The following CPED1 variants were observed in gnomAD, a reference collection of about 807,000 sequenced individuals.
CPED1 encodes cadherin-like and PC-esterase domain-containing protein 1.
In CPED1, 114 loss-of-function variants were observed where a neutral mutation model predicts 128.2. The ratio of observed to expected loss-of-function variants is 0.89; its 90% CI spans 0.76 to 1.04. The LOEUF is 1.04. Ranked by LOEUF, CPED1 falls within the 50% of genes least tolerant of loss-of-function variation. The pLI is 0.00. For missense variants in CPED1, 1,211 were observed against 1,207.1 expected (o/e 1.00, Z -0.05); for synonymous variants, 462 against 426.7 (o/e 1.08, Z -1.02).
chr7:121,282,986 TTTTG>T, intron 22 of CPED1, among the ~76,000 whole-genome samples: 1 of 152,340 alleles, frequency 6.6e-6, no homozygotes, highest in Middle Eastern at 3.4e-3. Context: ...TACAGAATCA[TTTTG>T]TTTCTCTTAT....
chr7:121,112,396 A>G (rs1795134515), intron 7 of CPED1, among the ~76,000 whole-genome samples: 1 of 152,190 alleles, frequency 6.6e-6, no homozygotes, highest in African/African-American at 2.4e-5. Context: ...AGACACACAA[A>G]GGAGAAGATA....
chr7:121,194,904 G>C (rs1455831273), intron 16 of CPED1: 3 of 152,060 alleles, frequency 2.0e-5, no homozygotes, highest in Non-Finnish European at 4.4e-5. Context: ...GAGAAGCTGG[G>C]ACTACAGGCT....
intron 22 of CPED1, among the ~76,000 whole-genome samples, chr7:121,289,740 T>A (rs1792653011): frequency 6.6e-6 from 1 of 152,224 alleles, no homozygotes; most frequent in Admixed American, 6.5e-5. Context: ...GTCCAAATAG[T>A]GACAGAAAAA....
chr7:121,016,069 T>A (rs767812320), intron 3 of CPED1, among the ~76,000 whole-genome samples: 6 of 152,242 alleles, frequency 3.9e-5, no homozygotes, highest in Non-Finnish European at 8.8e-5. Flanking sequence ...TTTATATTTT[T>A]GTAGCATTTT....
At chr7:121,074,288 C>T (rs142289615) in intron 5 of CPED1, among the ~76,000 whole-genome samples, 58 of 152,118 alleles carry the variant, frequency 3.8e-4, no homozygotes, top group African/African-American at 1.3e-3. Context: ...TTGATGGAAC[C>T]AATCCAGAAA....
intron 5 of CPED1, among the ~76,000 whole-genome samples, chr7:121,067,584 A>G (rs1585050147): frequency 2.0e-5 from 3 of 152,168 alleles, no homozygotes; most frequent in Admixed American, 6.5e-5. Context: ...ACGTGTGCAT[A>G]TGTCTTTATA....
At chr7:121,142,992 T>G (rs1795942389) in intron 16 of CPED1, among the ~76,000 whole-genome samples, 1 of 152,036 alleles carries the variant, frequency 6.6e-6, no homozygotes, top group South Asian at 2.1e-4. Flanking sequence ...GTTACCATGT[T>G]TTTTATAAAT....
At chr7:121,108,637 T>C (rs1415563745) in intron 7 of CPED1, among the ~76,000 whole-genome samples, 1 of 152,132 alleles carries the variant, frequency 6.6e-6, no homozygotes. Context: ...TTTCTAGAGC[T>C]CTTTCTCCTC....
intron 2 of CPED1, among the ~76,000 whole-genome samples, chr7:121,011,417 A>T (rs1792161528): frequency 6.6e-6 from 1 of 152,150 alleles, no homozygotes; most frequent in African/African-American, 2.4e-5. Flanking sequence ...TCTTGCTAGT[A>T]TTTACAATTC....
chr7:121,074,838 T>C (rs1434388815), intron 5 of CPED1, among the ~76,000 whole-genome samples: 1 of 152,180 alleles, frequency 6.6e-6, no homozygotes, highest in African/African-American at 2.4e-5. Context: ...TCCACTCACA[T>C]AAAAGCTGCA....
intron 16 of CPED1, among the ~76,000 whole-genome samples, chr7:121,172,661 C>CATACATAGATAGATAG (rs1796676493): frequency 1.4e-5 from 2 of 145,202 alleles, no homozygotes; most frequent in South Asian, 2.2e-4. Flanking sequence ...TGGATGGATA[C>CATACATAGATAGATAG]ATAGATAGAT....
At position 121,015,560 on chromosome 7, in the gene CPED1, A is replaced by G. The variant is rs1372100618; in HGVS notation, c.250-105A>G. On this transcript the variant is annotated intron_variant, in intron 2 of 22. Coordinates refer to ENST00000310396, the MANE Select transcript of CPED1 (RefSeq NM_024913.5). ...AAACTGCCTTTCACTTCTAGAGAAAAACTTTAGAATAACTTCCCAAATAGC... is the reference window on the plus strand; with the variant it reads ...AAACTGCCTTTCACTTCTAGAGAAAGACTTTAGAATAACTTCCCAAATAGC... The G allele has an allele frequency of 3.8e-6, 4 of 1,046,546 alleles. No homozygotes were observed. The Admixed American group carries it at 9.6e-5, about 25-fold the overall frequency. The allele number at this position is 1,046,546 out of a possible 1,614,324, so 64.8% of individuals were successfully genotyped here.
intron 2 of CPED1, among the ~76,000 whole-genome samples, chr7:121,008,236 C>T (rs1792073858): frequency 2.0e-5 from 3 of 152,094 alleles, no homozygotes; most frequent in African/African-American, 7.2e-5. Context: ...CAAAGTCGGA[C>T]CTACGTATAA....
intron 16 of CPED1, among the ~76,000 whole-genome samples, chr7:121,215,944 T>C (rs1294267830): frequency 6.6e-6 from 1 of 151,910 alleles, no homozygotes; most frequent in African/African-American, 2.4e-5. Flanking sequence ...ATAGTAATAA[T>C]AATACTCATA....
chr7:121,247,677 C>G (rs187872434), intron 18 of CPED1, among the ~76,000 whole-genome samples: 101 of 152,086 alleles, frequency 6.6e-4, no homozygotes, highest in Non-Finnish European at 1.0e-3. Flanking sequence ...ACAGGGGACC[C>G]AACATACCCC....
chr7:121,254,839 C>T (rs1798766432), intron 18 of CPED1, among the ~76,000 whole-genome samples: 2 of 151,518 alleles, frequency 1.3e-5, no homozygotes, highest in South Asian at 4.2e-4. Context: ...ACACAAACTC[C>T]CAAAATTGAA....
rs1584507298 is a variant in CPED1, at chr7:121,094,071, C to CATTGA, written c.617-3628_617-3627insATTGA. Among the ~76,000 whole-genome samples the CATTGA allele has an allele frequency of 2.0e-5, 3 of 152,250 alleles. No homozygotes were observed. In the East Asian group the frequency reaches 5.8e-4, roughly 29 times the overall value. ...TTTGCAGAGCTGTTATACCTGTAGGCTAAGTTCTAAGACTTATCAATGCCC... is the reference window on the plus strand; with the variant it reads ...TTTGCAGAGCTGTTATACCTGTAGGCATTGATAAGTTCTAAGACTTATCAATGCCC... On this transcript the variant is annotated intron_variant, in intron 5 of 22. Transcript: ENST00000310396.
In CPED1 at chr7:121,294,861, G is replaced by A. The variant is rs906674499; in HGVS notation, c.2869-579G>A. Among the ~76,000 whole-genome samples, 56 of 148,848 alleles carry A rather than the reference G, an allele frequency of 3.8e-4. 1 individual carries two copies. Among genetic ancestry groups the A allele is most frequent in the Admixed American group, 1.9e-3 (28 of 14,838 alleles). On this transcript the variant is annotated intron_variant, in intron 22 of 22. Coordinates refer to ENST00000310396, the MANE Select transcript of CPED1 (RefSeq NM_024913.5). ...TCTACATATATATCTCCAAATATAC[G>A]AAGTTATTAGTTTAATAGTGCATAG...
At chr7:121,224,668 G>A (rs947217133) in intron 16 of CPED1, among the ~76,000 whole-genome samples, 9 of 152,032 alleles carry the variant, frequency 5.9e-5, no homozygotes, top group Admixed American at 1.3e-4. Context: ...ATATATTTAG[G>A]ATAGTTAGCT....
Sources: gnomAD v4.1 joint callset for allele counts (sites outside exome capture counted in the v4.1 genomes callset) on GRCh38, gnomAD v4.1.1 for gene constraint, MANE v1.5 for transcripts, NCBI Gene and HGNC (gene_info 2026-07-23, HGNC 2026-07-21) for gene names.